Variants in PRMT3 observed in about 807,000 individuals in gnomAD.
The protein encoded by PRMT3 is protein arginine N-methyltransferase 3.
A neutral mutation model predicts 71.9 loss-of-function variants in PRMT3; 62 were observed. The observed-to-expected ratio is 0.86, with a 90% CI of 0.70 to 1.07. PRMT3 has a LOEUF of 1.07. Among genes scored for constraint, PRMT3 ranks in the 50% least tolerant of loss-of-function variants. The pLI is 0.00. For missense variants in PRMT3, 663 were observed against 643.0 expected (o/e 1.03, Z -0.34); for synonymous variants, 213 against 220.4 (o/e 0.97, Z 0.30).
intron 8 of PRMT3, among the ~76,000 whole-genome samples, chr11:20,403,835 C>T (rs1849003445): frequency 6.6e-6 from 1 of 152,116 alleles, no homozygotes; most frequent in South Asian, 2.1e-4. Context: ...ATTCGGCTTT[C>T]ATCTCTCTAA....
At chr11:20,501,638 T>C (rs536457864) in intron 15 of PRMT3, among the ~76,000 whole-genome samples, 1 of 152,208 alleles carries the variant, frequency 6.6e-6, no homozygotes, top group Admixed American at 6.5e-5. Flanking sequence ...ATGTAAAGCT[T>C]ATTTTAGTGT....
chr11:20,496,784 C>T lies in PRMT3; in HGVS notation c.1486+2530C>T, dbSNP rs149725022. Among the ~76,000 whole-genome samples the T allele has an allele frequency of 8.5e-3, 1,295 of 152,280 alleles. 18 individuals are homozygous for T. Among genetic ancestry groups the T allele is most frequent in the African/African-American group, 0.029 (1,219 of 41,550 alleles). ...TTTAAATATTTCATAAATTCTATAG[C>T]TTCAGTTTCACTGTTGGTACATAAA... On this transcript the variant is annotated intron_variant, in intron 15 of 15. Transcript: ENST00000331079.
chr11:20,430,903 A>G (rs1012143483), intron 10 of PRMT3, among the ~76,000 whole-genome samples: 2 of 152,134 alleles, frequency 1.3e-5, no homozygotes, highest in East Asian at 3.8e-4. Context: ...GTCTTTGTGT[A>G]TGTGTCCTCA....
chr11:20,508,606 A>G lies in PRMT3; in HGVS notation c.*193A>G, dbSNP rs1481024113. On this transcript the variant is annotated 3_prime_UTR_variant, in exon 16 of 16. Transcript: ENST00000331079. The stretch of plus-strand genomic sequence containing the variant: ...TGAGGAAGAGAATCAGCTGATCCTC[A>G]TGGTCTGCCACGTAATCATTTTCTT... The G allele has an allele frequency of 1.5e-6, 1 of 684,430 alleles. No individual in the cohort carries two copies. The highest frequency in any genetic ancestry group is 2.7e-6 in the Non-Finnish European group (1 of 372,748). 42.4% of individuals were successfully genotyped at this position (684,430 alleles called of 1,614,324 possible).
chr11:20,426,930 T>C (rs1849560068), intron 10 of PRMT3, 65 bp downstream of exon 10: 2 of 1,447,042 alleles, frequency 1.4e-6, no homozygotes, highest in African/African-American at 1.5e-5. Flanking sequence ...AAGTAATAGT[T>C]TTCATGAATT....
intron 15 of PRMT3, among the ~76,000 whole-genome samples, chr11:20,502,508 C>T (rs1472486088): frequency 6.6e-6 from 1 of 152,164 alleles, no homozygotes; most frequent in Admixed American, 6.6e-5. Context: ...TTTTCAGCTG[C>T]TATATTGATG....
chr11:20,429,781 T>C (rs1457797232), intron 10 of PRMT3, among the ~76,000 whole-genome samples: 1 of 152,240 alleles, frequency 6.6e-6, no homozygotes, highest in Non-Finnish European at 1.5e-5. Flanking sequence ...ACAGCAGTTA[T>C]TCTATGGCAG....
intron 4 of PRMT3, 111 bp downstream of exon 4, chr11:20,392,371 A>G: frequency 1.7e-6 from 2 of 1,167,844 alleles, no homozygotes; most frequent in Non-Finnish European, 2.3e-6. Context: ...TAAATTTGGT[A>G]CTCATCATAT....
chr11:20,454,304 T>C (rs1264596067), intron 11 of PRMT3, among the ~76,000 whole-genome samples: 2 of 152,200 alleles, frequency 1.3e-5, no homozygotes, highest in African/African-American at 4.8e-5. Context: ...CAGACCTGCC[T>C]GACTTGATCT....
intron 13 of PRMT3, among the ~76,000 whole-genome samples, chr11:20,488,224 GT>G (rs1301817273): frequency 1.3e-5 from 2 of 152,142 alleles, no homozygotes; most frequent in African/African-American, 4.8e-5. Flanking sequence ...TTTCATATTT[GT>G]TGATTATGTC....
intron 10 of PRMT3, among the ~76,000 whole-genome samples, chr11:20,429,313 A>G (rs1046168643): frequency 1.3e-5 from 2 of 152,186 alleles, no homozygotes; most frequent in Non-Finnish European, 2.9e-5. Flanking sequence ...GTGAGAATCT[A>G]ATGCCACTGC....
intron 9 of PRMT3, among the ~76,000 whole-genome samples, chr11:20,413,917 G>A (rs1413350147): frequency 6.6e-6 from 1 of 151,904 alleles, no homozygotes; most frequent in Non-Finnish European, 1.5e-5. Flanking sequence ...CCTTTTCTCG[G>A]TCAGAAGTCT....
rs1021142941 is a variant in PRMT3, at chr11:20,509,295, T to C, written c.*882T>C. 38 of 152,092 alleles carry C rather than the reference T, an allele frequency of 2.5e-4. No individual in the cohort carries two copies. The highest frequency in any genetic ancestry group is 8.7e-4 in the African/African-American group (36 of 41,434). 9.4% of individuals were successfully genotyped at this position (152,092 alleles called of 1,614,324 possible). ...CAACTTATAAAATATTTTAAAAATA[T>C]TGATATTATAAAAGTTTTCAATAAA... On this transcript the variant is annotated 3_prime_UTR_variant, in exon 16 of 16. Transcript: ENST00000331079.
intron 15 of PRMT3, among the ~76,000 whole-genome samples, chr11:20,505,462 A>G (rs1851568320): frequency 6.6e-6 from 1 of 152,232 alleles, no homozygotes; most frequent in South Asian, 2.1e-4. Context: ...CTAACAAGCC[A>G]CTGTGTTGTA....
intron 11 of PRMT3, among the ~76,000 whole-genome samples, chr11:20,452,890 A>G (rs1236451461): frequency 6.6e-6 from 1 of 152,194 alleles, no homozygotes; most frequent in Non-Finnish European, 1.5e-5. Context: ...CTCTTAAATG[A>G]GCTCCACAGC....
intron 13 of PRMT3, among the ~76,000 whole-genome samples, chr11:20,481,023 G>A (rs1850918831): frequency 6.6e-6 from 1 of 152,116 alleles, no homozygotes; most frequent in South Asian, 2.1e-4. Context: ...AGATACATAA[G>A]AGTAGGAATC....
At chr11:20,425,691 G>T (rs1849530798) in intron 9 of PRMT3, among the ~76,000 whole-genome samples, 1 of 152,198 alleles carries the variant, frequency 6.6e-6, no homozygotes, top group African/African-American at 2.4e-5. Flanking sequence ...AACTCTGTCT[G>T]TAAAATGCAA....
intron 13 of PRMT3, among the ~76,000 whole-genome samples, chr11:20,474,189 G>A (rs1266683731): frequency 1.3e-5 from 2 of 152,226 alleles, no homozygotes; most frequent in African/African-American, 4.8e-5. Flanking sequence ...GCTTAAAGAA[G>A]GAGTCTGGCT....
At chr11:20,454,828 G>A (rs1190661097) in intron 11 of PRMT3, among the ~76,000 whole-genome samples, 1 of 152,074 alleles carries the variant, frequency 6.6e-6, no homozygotes, top group African/African-American at 2.4e-5. Context: ...TTTTACATGA[G>A]TTTAAGTTCA....
Sources: allele counts gnomAD v4.1 joint callset (sites outside exome capture counted in the v4.1 genomes callset), GRCh38; gene constraint gnomAD v4.1.1; transcripts MANE v1.5; gene names NCBI Gene and HGNC (gene_info 2026-07-23, HGNC 2026-07-21).